The following FOXJ3 variants were observed in gnomAD, a reference collection of about 807,000 sequenced individuals.
FOXJ3 encodes the protein forkhead box J3.
A neutral mutation model predicts 76.1 loss-of-function variants in FOXJ3; 22 were observed. The ratio of observed to expected loss-of-function variants is 0.29; its 90% CI spans 0.21 to 0.41. FOXJ3 has a LOEUF of 0.41. FOXJ3 is among the 10% of genes least tolerant of loss of function. The pLI is 1.00. For missense variants in FOXJ3, 613 were observed against 762.1 expected (o/e 0.80, Z 2.30); for synonymous variants, 269 against 261.2 (o/e 1.03, Z -0.29).
At chr1:42,196,676 G>C (rs561683813) in intron 7 of FOXJ3, among the ~76,000 whole-genome samples, 1 of 152,188 alleles carries the variant, frequency 6.6e-6, no homozygotes, top group African/African-American at 2.4e-5. Context: ...CTGGGCGACA[G>C]AGAGAGACTC....
intron 4 of FOXJ3, among the ~76,000 whole-genome samples, chr1:42,238,701 G>C (rs1648895230): frequency 6.6e-6 from 1 of 152,124 alleles, no homozygotes; most frequent in East Asian, 1.9e-4. Context: ...TGGGAACACA[G>C]GCATGCACAA....
chr1:42,226,753 T>C (rs1017602217), intron 5 of FOXJ3, among the ~76,000 whole-genome samples: 2 of 152,260 alleles, frequency 1.3e-5, no homozygotes, highest in Non-Finnish European at 2.9e-5. Context: ...ACTGGCTTAC[T>C]GAATTCCCTC....
chr1:42,230,353 G>A (rs343379), intron 4 of FOXJ3, among the ~76,000 whole-genome samples: 111,352 of 151,950 alleles, frequency 0.73, 40,989 homozygotes, highest in Admixed American at 0.81. Context: ...GAAAATAGCA[G>A]GTACAGGCTA....
chr1:42,182,502 G>A (rs1391480436), intron 11 of FOXJ3, among the ~76,000 whole-genome samples: 1 of 152,060 alleles, frequency 6.6e-6, no homozygotes, highest in Non-Finnish European at 1.5e-5. Context: ...CCTAACTCAT[G>A]GACTCTCTTT....
chr1:42,257,069 T>G (rs1014901944), intron 4 of FOXJ3, among the ~76,000 whole-genome samples: 3 of 152,224 alleles, frequency 2.0e-5, no homozygotes, highest in South Asian at 4.1e-4. Flanking sequence ...CAGGCTTATT[T>G]TGAGGATCAA....
intron 4 of FOXJ3, among the ~76,000 whole-genome samples, chr1:42,247,781 C>T (rs1408646502): frequency 2.0e-5 from 3 of 152,140 alleles, no homozygotes; most frequent in Non-Finnish European, 4.4e-5. Context: ...AAAATAAAAA[C>T]ACTGAGTCTA....
Position 42,311,161 on chromosome 1 carries a change from C to T in FOXJ3, c.-17-51G>A, listed in dbSNP as rs1654784807. ...TCAGATACTGCAAAGTAAATTAAAC[C>T]ATAAGTCTCACTTTAGATTTAATTT... On this transcript the variant is annotated intron_variant, in intron 1 of 12. Transcript: ENST00000361346. 5 of 1,146,032 alleles carry T rather than the reference C, an allele frequency of 4.4e-6. No homozygotes were observed. In the Admixed American group the frequency reaches 9.4e-5, roughly 21 times the overall value. 71.0% of individuals were successfully genotyped at this position (1,146,032 alleles called of 1,614,324 possible). A position where few individuals can be genotyped will look rare whatever the true frequency, so the allele number is the denominator to read the frequency against.
At chr1:42,290,090 C>T (rs1189185458) in intron 2 of FOXJ3, among the ~76,000 whole-genome samples, 1 of 151,996 alleles carries the variant, frequency 6.6e-6, no homozygotes, top group Non-Finnish European at 1.5e-5. Context: ...GAAAAAGTTC[C>T]TATGCTGGAG....
intron 4 of FOXJ3, among the ~76,000 whole-genome samples, chr1:42,237,906 C>G (rs1189579600): frequency 1.2e-5 from 1 of 82,036 alleles, no homozygotes; most frequent in Non-Finnish European, 2.5e-5. Context: ...GTACCTCTAT[C>G]AAAATACACA....
intron 1 of FOXJ3, among the ~76,000 whole-genome samples, chr1:42,311,650 A>AAGAAGTAGTAGTAGT (rs1553169328): frequency 6.7e-6 from 1 of 149,414 alleles, no homozygotes; most frequent in African/African-American, 2.5e-5. Context: ...TTTAAAAAAA[A>AAGAAGTAGTAGTAGT]AGTAGTAGTA....
chr1:42,319,992 C>A (rs753172212), intron 1 of FOXJ3, among the ~76,000 whole-genome samples: 1 of 152,090 alleles, frequency 6.6e-6, no homozygotes, highest in Non-Finnish European at 1.5e-5. Context: ...GTTTCATACA[C>A]CTGAAAAAAT....
In FOXJ3 at chr1:42,176,878, GGATT is replaced by G. The variant is rs1264090303; in HGVS notation, c.*2828_*2831del. 2.0e-5 allele frequency: 3 copies of G among 152,488 alleles called. No individual in the cohort carries two copies. Among genetic ancestry groups the G allele is most frequent in the East Asian group, 3.9e-4 (2 of 5,184 alleles). The allele number at this position is 152,488 out of a possible 1,614,324, so 9.4% of individuals were successfully genotyped here. A position where few individuals can be genotyped will look rare whatever the true frequency, so the allele number is the denominator to read the frequency against. Reference sequence around the variant, plus strand: ...CTCTATTCCATTTGAAATTATCCCCGGATTGATTCCCTCCCACTTCAAAGGACAT... The same window carrying G: ...CTCTATTCCATTTGAAATTATCCCCGGATTCCCTCCCACTTCAAAGGACAT... On this transcript the variant is annotated 3_prime_UTR_variant, in exon 13 of 13. Coordinates refer to ENST00000361346, the MANE Select transcript of FOXJ3 (RefSeq NM_014947.5).
At chr1:42,264,304 A>G (rs1352074498) in intron 4 of FOXJ3, among the ~76,000 whole-genome samples, 5 of 152,202 alleles carry the variant, frequency 3.3e-5, no homozygotes, top group African/African-American at 1.2e-4. Context: ...AGAAAAAAAC[A>G]GTAAAGAATA....
chr1:42,219,848 G>A (rs1647144289), intron 5 of FOXJ3, among the ~76,000 whole-genome samples: 1 of 152,194 alleles, frequency 6.6e-6, no homozygotes, highest in Non-Finnish European at 1.5e-5. Flanking sequence ...GAGCCCAGGA[G>A]GTCGAGACTG....
At chr1:42,291,742 T>C (rs1345227497) in intron 2 of FOXJ3, among the ~76,000 whole-genome samples, 1 of 152,192 alleles carries the variant, frequency 6.6e-6, no homozygotes, top group African/African-American at 2.4e-5. Context: ...ATCATGCCAC[T>C]GTACTCCAGC....
At chr1:42,307,614 T>G (rs1654546267) in intron 2 of FOXJ3, among the ~76,000 whole-genome samples, 1 of 152,202 alleles carries the variant, frequency 6.6e-6, no homozygotes, top group South Asian at 2.1e-4. Context: ...ATGTAGAATA[T>G]GATGTTGTTA....
At chr1:42,304,979 C>A (rs1051205356) in intron 2 of FOXJ3, among the ~76,000 whole-genome samples, 1 of 152,150 alleles carries the variant, frequency 6.6e-6, no homozygotes, top group Non-Finnish European at 1.5e-5. Context: ...CTGAAAATAT[C>A]TGCAAACTAC....
chr1:42,254,183 A>G (rs1438953926), intron 4 of FOXJ3, among the ~76,000 whole-genome samples: 1 of 151,938 alleles, frequency 6.6e-6, no homozygotes, highest in African/African-American at 2.4e-5. Context: ...TCAAAAGAAG[A>G]CATTTACGCA....
At chr1:42,326,500 C>T (rs1460193632) in intron 1 of FOXJ3, among the ~76,000 whole-genome samples, 1 of 152,114 alleles carries the variant, frequency 6.6e-6, no homozygotes, top group African/African-American at 2.4e-5. Flanking sequence ...ACAGACAACA[C>T]ATCTCCCACT....
Sources: allele counts gnomAD v4.1 joint callset (sites outside exome capture counted in the v4.1 genomes callset), GRCh38; gene constraint gnomAD v4.1.1; transcripts MANE v1.5; gene names NCBI Gene and HGNC (gene_info 2026-07-23, HGNC 2026-07-21).